Variants in MATN2 observed in about 807,000 individuals in gnomAD.
MATN2 encodes the protein matrilin-2.
MATN2 carries 69 observed loss-of-function variants against 103.2 expected under a neutral mutation model. The observed-to-expected ratio is 0.67, with a 90% confidence interval of 0.55 to 0.82. MATN2 has a LOEUF of 0.82. Among genes scored for constraint, MATN2 ranks in the 40% least tolerant of loss-of-function variants. MATN2 has a pLI of 0.00. For synonymous variants in MATN2, 429 were observed against 450.2 expected, an observed-to-expected ratio of 0.95 and a Z score of 0.60; for missense variants, 1,023 against 1,211.5, an observed-to-expected ratio of 0.84 and a Z score of 2.31.
In MATN2 at chr8:97,889,217, A is replaced by G. The variant is rs1006734713; in HGVS notation, c.142+975A>G. Among the ~76,000 whole-genome samples, 42 of 152,044 alleles carry G rather than the reference A, an allele frequency of 2.8e-4. No individual in the cohort carries two copies. The East Asian group carries it at 6.8e-3, about 25-fold the overall frequency. On this transcript the variant is annotated intron_variant, in intron 2 of 18. Coordinates refer to ENST00000254898, the MANE Select transcript of MATN2 (RefSeq NM_002380.5). ...AGCCTCAGTGGCATCCGAAATTACA[A>G]TCAGGGACCACAGGGACCTAAAGAG...
intron 1 of MATN2, among the ~76,000 whole-genome samples, chr8:97,885,831 G>C (rs1440715047): frequency 1.3e-5 from 2 of 152,158 alleles, no homozygotes; most frequent in Non-Finnish European, 2.9e-5. Flanking sequence ...AAAAAGGGGG[G>C]TGAGGAGAGT....
intron 2 of MATN2, among the ~76,000 whole-genome samples, chr8:97,914,448 G>A (rs1055014264): frequency 2.4e-5 from 3 of 126,036 alleles, no homozygotes; most frequent in Admixed American, 1.1e-4. Flanking sequence ...ATGGCTTACT[G>A]CATCCTCACC....
At chr8:98,013,750 T>C (rs76069543) in intron 10 of MATN2, among the ~76,000 whole-genome samples, 12,990 of 152,292 alleles carry the variant, frequency 0.085, 824 homozygotes, top group Admixed American at 0.19. Flanking sequence ...CCTAGGCAAT[T>C]CTGCTTCTGG....
At chr8:98,006,705 C>A (rs1197312060) in intron 8 of MATN2, among the ~76,000 whole-genome samples, 1 of 152,198 alleles carries the variant, frequency 6.6e-6, no homozygotes, top group African/African-American at 2.4e-5. Context: ...CGCCATGGCC[C>A]TGGCAGAGTG....
chr8:98,008,561 A>G (rs1813051919), intron 10 of MATN2, among the ~76,000 whole-genome samples: 1 of 152,112 alleles, frequency 6.6e-6, no homozygotes, highest in Non-Finnish European at 1.5e-5. Context: ...CTGTGAGAAA[A>G]TATTTCCAGT....
At chr8:97,888,484 C>T (rs963104666) in intron 2 of MATN2, among the ~76,000 whole-genome samples, 1 of 152,166 alleles carries the variant, frequency 6.6e-6, no homozygotes, top group African/African-American at 2.4e-5. Flanking sequence ...TGGCTTTTCT[C>T]CAATATTCAG....
chr8:98,016,751 C>A, intron 11 of MATN2, 89 bp downstream of exon 11: 1 of 1,493,152 alleles, frequency 6.7e-7, no homozygotes, highest in South Asian at 1.2e-5. Context: ...CAGTTCCTCT[C>A]AGAAGTCAAT....
chr8:98,026,341 C>G (rs1586170848), intron 13 of MATN2, among the ~76,000 whole-genome samples: 3 of 151,260 alleles, frequency 2.0e-5, no homozygotes, highest in South Asian at 4.2e-4. Flanking sequence ...CTTACTGCAA[C>G]CTGTAATTCT....
chr8:97,915,410 C>A (rs1209753912), intron 2 of MATN2, among the ~76,000 whole-genome samples: 1 of 152,186 alleles, frequency 6.6e-6, no homozygotes, highest in African/African-American at 2.4e-5. Flanking sequence ...GAGGGGATTC[C>A]TGCAATGTTT....
chr8:97,916,276 G>A lies in MATN2; in HGVS notation c.143-14677G>A, dbSNP rs563399492. On this transcript the variant is annotated intron_variant, in intron 2 of 18. Transcript: ENST00000254898. ...GTAGAGACGGGGTTTCGCCATGTTG[G>A]CCAGGCTGGTCTCGAACTCCTGGCC... 6.0e-4 allele frequency among the ~76,000 whole-genome samples: 92 copies of A among 152,156 alleles called. No individual in the cohort carries two copies. The South Asian group carries it at 0.019, about 31-fold the overall frequency.
In MATN2 at chr8:97,934,450, C is replaced by T. The variant is rs547341186; in HGVS notation, c.712+2928C>T. On this transcript the variant is annotated intron_variant, in intron 3 of 18. Transcript: ENST00000254898. ...TTTGATCTGCACTCAAATGATCAGA[C>T]AAAAATGGTGAGCATTTTCCAAGTT... 2.9e-4 allele frequency among the ~76,000 whole-genome samples: 44 copies of T among 152,258 alleles called. 1 individual carries two copies. In the South Asian group the frequency reaches 7.7e-3, roughly 27 times the overall value.
intron 6 of MATN2, among the ~76,000 whole-genome samples, chr8:97,986,672 C>T (rs1812206013): frequency 6.6e-6 from 1 of 152,156 alleles, no homozygotes; most frequent in South Asian, 2.1e-4. Flanking sequence ...TTTCTTTATC[C>T]ACTTGTTGAT....
chr8:97,927,730 A>G lies in MATN2; in HGVS notation c.143-3223A>G, dbSNP rs1226070125. On this transcript the variant is annotated intron_variant, in intron 2 of 18. Coordinates refer to ENST00000254898, the MANE Select transcript of MATN2 (RefSeq NM_002380.5). ...TGTGCAGGTGTTGTGGAAACTACCC[A>G]TTTGTTTTGAAGGGAGAGAATCCAG... Among the ~76,000 whole-genome samples, 4 of 152,124 alleles carry G rather than the reference A, an allele frequency of 2.6e-5. No individual in the cohort carries two copies. In the South Asian group the frequency reaches 8.3e-4, roughly 31 times the overall value.
At chr8:98,028,141 C>T (rs926240948) in intron 14 of MATN2, among the ~76,000 whole-genome samples, 1 of 152,190 alleles carries the variant, frequency 6.6e-6, no homozygotes, top group Non-Finnish European at 1.5e-5. Flanking sequence ...TAGATATACA[C>T]AATAGTTCCG....
intron 10 of MATN2, among the ~76,000 whole-genome samples, chr8:98,008,233 T>TAAA (rs35203972): frequency 0.044 from 6,475 of 148,596 alleles, 446 homozygotes; most frequent in African/African-American, 0.15. Flanking sequence ...TTGTCTCAAT[T>TAAA]AAAAAAAAAA....
intron 2 of MATN2, among the ~76,000 whole-genome samples, chr8:97,908,039 G>A (rs1819240907): frequency 6.6e-6 from 1 of 152,104 alleles, no homozygotes; most frequent in Non-Finnish European, 1.5e-5. Context: ...CTCGGGAGGT[G>A]CCTTGTGGTA....
intron 12 of MATN2, among the ~76,000 whole-genome samples, chr8:98,018,455 A>G (rs1813450941): frequency 6.6e-6 from 1 of 152,190 alleles, no homozygotes; most frequent in Admixed American, 6.5e-5. Context: ...CAAGGACTGA[A>G]GGTTAATTAC....
intron 18 of MATN2, 68 bp downstream of exon 18, chr8:98,033,727 A>G (rs774914177): frequency 6.7e-6 from 7 of 1,042,910 alleles, no homozygotes; most frequent in South Asian, 1.4e-5. Flanking sequence ...CACACACTCT[A>G]TGTAGGTTTT....
At chr8:97,885,112 T>A (rs1818382124) in intron 1 of MATN2, among the ~76,000 whole-genome samples, 1 of 152,186 alleles carries the variant, frequency 6.6e-6, no homozygotes, top group South Asian at 2.1e-4. Context: ...CCACATGCAA[T>A]GATGTTTGTT....
Sources: allele counts gnomAD v4.1 joint callset (sites outside exome capture counted in the v4.1 genomes callset), GRCh38; gene constraint gnomAD v4.1.1; transcripts MANE v1.5; gene names NCBI Gene and HGNC (gene_info 2026-07-23, HGNC 2026-07-21).